R3HDM1: variants seen among roughly 807,000 people sequenced by gnomAD.
The protein encoded by R3HDM1 is R3H domain containing 1.
A neutral mutation model predicts 141.1 loss-of-function variants in R3HDM1; 46 were observed. That is an observed-to-expected ratio of 0.33 (90% CI 0.26 to 0.42). The LOEUF (loss-of-function observed/expected upper bound fraction) is 0.42, where lower values mean the gene tolerates loss of function less well. Ranked by LOEUF, R3HDM1 falls within the 10% of genes least tolerant of loss-of-function variation. R3HDM1 has a pLI of 1.00. For missense variants in R3HDM1, 1,184 were observed against 1,368.3 expected, an observed-to-expected ratio of 0.87 and a Z score of 2.12; for synonymous variants, 435 against 472.9, an observed-to-expected ratio of 0.92 and a Z score of 1.04.
chr2:135,722,552 A>C lies in R3HDM1; in HGVS notation c.3048A>C (p.Thr1016=), dbSNP rs747775245. The C allele has an allele frequency of 3.1e-6, 5 of 1,612,248 alleles. No individual in the cohort carries two copies. Among genetic ancestry groups the C allele is most frequent in the Non-Finnish European group, 4.2e-6 (5 of 1,179,592 alleles). ...AASTDLGAGE[T]VVGKVLEITE... ...CCACAGACCTTGGAGCAGGAGAAACAGGTATGTCTCTGAGGGGCAACTAGA... is the reference window on the plus strand; with the variant it reads ...CCACAGACCTTGGAGCAGGAGAAACCGGTATGTCTCTGAGGGGCAACTAGA... Residue 1016 remains threonine (T), a splice_region_variant and synonymous_variant, in exon 26 of 27, where the codon ACA becomes ACC. Transcript: ENST00000683871.
intron 14 of R3HDM1, 57 bp from the exon 15 acceptor site, chr2:135,641,479 C>A: frequency 1.3e-6 from 2 of 1,501,626 alleles, no homozygotes; most frequent in African/African-American, 1.4e-5. Flanking sequence ...GTTTTAAAAA[C>A]CTGTGTTTTT....
intron 19 of R3HDM1, 55 bp from the exon 20 acceptor site, chr2:135,675,277 A>G: frequency 6.7e-7 from 1 of 1,486,434 alleles, no homozygotes; most frequent in South Asian, 1.4e-5. Flanking sequence ...TTTTTTTTAA[A>G]TCTTACTAGA....
chr2:135,691,919 T>C (rs1256059288), intron 21 of R3HDM1, among the ~76,000 whole-genome samples: 2 of 152,180 alleles, frequency 1.3e-5, no homozygotes, highest in African/African-American at 4.8e-5. Flanking sequence ...TTGTTTCTTT[T>C]TTTTTTATTT....
At chr2:135,537,716 G>A (rs1696544662) in intron 1 of R3HDM1, among the ~76,000 whole-genome samples, 3 of 150,698 alleles carry the variant, frequency 2.0e-5, no homozygotes, top group Admixed American at 1.3e-4. Flanking sequence ...GAGTGCAGTG[G>A]TGCAGTCTCG....
chr2:135,638,545 A>G (rs2063483121), intron 11 of R3HDM1, 73 bp from the exon 12 acceptor site: 1 of 1,419,932 alleles, frequency 7.0e-7, no homozygotes, highest in Non-Finnish European at 9.8e-7. Context: ...TTTTGTTGTC[A>G]TCATTGGTTT....
At chr2:135,564,319 T>TTTTTG (rs1330902275) in intron 1 of R3HDM1, among the ~76,000 whole-genome samples, 4 of 152,164 alleles carry the variant, frequency 2.6e-5, no homozygotes, top group African/African-American at 4.8e-5. Flanking sequence ...AAATTTCCTT[T>TTTTTG]TTTTGTTTTG....
At chr2:135,608,430 G>C (rs1190544054) in intron 3 of R3HDM1, among the ~76,000 whole-genome samples, 1 of 152,140 alleles carries the variant, frequency 6.6e-6, no homozygotes, top group Non-Finnish European at 1.5e-5. Flanking sequence ...GGGGTGTACA[G>C]TTGAGATACC....
In R3HDM1 at chr2:135,709,277, A is replaced by G. The variant is rs534454652; in HGVS notation, c.2460-156A>G. 1.2e-4 allele frequency among the ~76,000 whole-genome samples: 18 copies of G among 152,262 alleles called. No homozygotes were observed. In the East Asian group the frequency reaches 1.6e-3, roughly 13 times the overall value. ...TTTAGTAGACATGGGGTTTCACCGT[A>G]TTAGCCAGGATGTTCTCGATCTCCT... On this transcript the variant is annotated intron_variant, in intron 21 of 26. Transcript: ENST00000683871.
chr2:135,575,948 G>T (rs772030435), intron 1 of R3HDM1, among the ~76,000 whole-genome samples: 1 of 152,134 alleles, frequency 6.6e-6, no homozygotes, highest in Admixed American at 6.5e-5. Context: ...AACTGGAAAA[G>T]AAAAACTGCT....
At chr2:135,637,308 A>G (rs1286035338) in intron 11 of R3HDM1, among the ~76,000 whole-genome samples, 2 of 152,148 alleles carry the variant, frequency 1.3e-5, no homozygotes, top group African/African-American at 2.4e-5. Flanking sequence ...GAGAGTCAGT[A>G]TGTACAGAGG....
chr2:135,723,646 G>A (rs1170382181), intron 26 of R3HDM1, among the ~76,000 whole-genome samples: 3 of 150,948 alleles, frequency 2.0e-5, no homozygotes, highest in East Asian at 4.0e-4. Flanking sequence ...GCATGGTGGC[G>A]GGCGCTTGTA....
intron 21 of R3HDM1, among the ~76,000 whole-genome samples, chr2:135,708,628 G>GAA (rs1345973005): frequency 2.0e-5 from 3 of 152,130 alleles, no homozygotes; most frequent in African/African-American, 7.2e-5. Context: ...AAACTTCAGA[G>GAA]ATAATGTTAT....
intron 18 of R3HDM1, among the ~76,000 whole-genome samples, chr2:135,652,686 A>G (rs1432383137): frequency 6.6e-6 from 1 of 151,814 alleles, no homozygotes; most frequent in Non-Finnish European, 1.5e-5. Flanking sequence ...CTCCTCCTTT[A>G]TTTTCTGATG....
In R3HDM1 at chr2:135,680,219, A is replaced by C; in HGVS notation, c.2354A>C (p.Gln785Pro). 6.2e-7 allele frequency: 1 copy of C among 1,613,862 alleles called. No homozygotes were observed. The highest frequency in any genetic ancestry group is 8.5e-7 in the Non-Finnish European group (1 of 1,179,718). Reference protein sequence around the residue: ...GSQGIPHQTYQQPVMFPNQSN... With the variant: ...GSQGIPHQTYPQPVMFPNQSN... ...CAAGGAATTCCCCATCAGACTTATC[A>C]ACAGCCTGTTATGTTCCCTAATCAG... The change falls in exon 21 of 27, where the codon CAA becomes CCA. Residue 785 changes from glutamine (Q) to proline (P), a missense_variant. Around this residue, in one of 5 missense-constraint regions of R3HDM1, gnomAD observed 563 missense variants for 562.0 expected, o/e 1.00. Transcript: ENST00000683871.
At chr2:135,672,330 C>T (rs1037209170) in intron 19 of R3HDM1, among the ~76,000 whole-genome samples, 30 of 152,096 alleles carry the variant, frequency 2.0e-4, no homozygotes, top group Non-Finnish European at 3.7e-4. Context: ...TCTGTTGTAC[C>T]TTCATCTTCC....
chr2:135,678,154 G>A (rs962639907), intron 20 of R3HDM1, among the ~76,000 whole-genome samples: 4 of 151,802 alleles, frequency 2.6e-5, no homozygotes, highest in Admixed American at 1.3e-4. Flanking sequence ...TAGTAGAGAC[G>A]GTGTTTCACC....
At chr2:135,588,316 C>G (rs530397782) in intron 1 of R3HDM1, among the ~76,000 whole-genome samples, 13 of 152,108 alleles carry the variant, frequency 8.5e-5, no homozygotes, top group Non-Finnish European at 1.6e-4. Context: ...CTCTGTGTGT[C>G]TCCCTGGCTA....
intron 1 of R3HDM1, chr2:135,561,363 G>C: frequency 1.0e-6 from 1 of 964,604 alleles, no homozygotes; most frequent in Non-Finnish European, 1.2e-6. Flanking sequence ...ATAGTTTTCA[G>C]GTCTCCCTGG....
At chr2:135,545,545 C>T (rs1406145606) in intron 1 of R3HDM1, among the ~76,000 whole-genome samples, 1 of 152,140 alleles carries the variant, frequency 6.6e-6, no homozygotes, top group African/African-American at 2.4e-5. Context: ...GTACGAAGGC[C>T]ATGAAAGAAG....
Sources: allele counts gnomAD v4.1 joint callset (sites outside exome capture counted in the v4.1 genomes callset), GRCh38; gene constraint gnomAD v4.1.1; regional missense constraint gnomAD v4.1.1; transcripts MANE v1.5; gene names NCBI Gene and HGNC (gene_info 2026-07-23, HGNC 2026-07-21).